DEPTOR: variants seen among roughly 807,000 people sequenced by gnomAD.
DEPTOR encodes DEP domain-containing mTOR-interacting protein.
DEPTOR carries 41 observed loss-of-function variants against 41.6 expected under a neutral mutation model. The observed-to-expected ratio is 0.98, with a 90% confidence interval of 0.77 to 1.28. The LOEUF (loss-of-function observed/expected upper bound fraction) is 1.28. Among genes scored for constraint, DEPTOR ranks in the 50% most tolerant of loss-of-function variants. The pLI, the probability that DEPTOR is intolerant of heterozygous loss-of-function variation, is 0.00. For synonymous variants in DEPTOR, 195 were observed against 192.3 expected, an observed-to-expected ratio of 1.01 and a Z score of -0.12; for missense variants, 514 against 527.9, an observed-to-expected ratio of 0.97 and a Z score of 0.26.
At chr8:119,909,358 C>G (rs567042917) in intron 1 of DEPTOR, among the ~76,000 whole-genome samples, 1 of 152,278 alleles carries the variant, frequency 6.6e-6, no homozygotes, top group African/African-American at 2.4e-5. Flanking sequence ...TTAGAAGACA[C>G]TGTCTTTGGC....
At chr8:120,017,145 T>C (rs1049875204) in intron 8 of DEPTOR, among the ~76,000 whole-genome samples, 1 of 152,228 alleles carries the variant, frequency 6.6e-6, no homozygotes, top group African/African-American at 2.4e-5. Context: ...AATGATTCAA[T>C]GAACTGATAC....
At chr8:119,998,606 G>T (rs192541176) in intron 4 of DEPTOR, among the ~76,000 whole-genome samples, 2 of 152,062 alleles carry the variant, frequency 1.3e-5, no homozygotes, top group Non-Finnish European at 2.9e-5. Context: ...GGCTTTTGGG[G>T]CCTGATGTAC....
intron 1 of DEPTOR, among the ~76,000 whole-genome samples, chr8:119,923,725 T>G (rs2129830855): frequency 6.6e-6 from 1 of 152,254 alleles, no homozygotes; most frequent in South Asian, 2.1e-4. Context: ...AATCCTTATT[T>G]TCTTGACTTT....
chr8:119,892,560 T>A (rs10094587), intron 1 of DEPTOR, among the ~76,000 whole-genome samples: 75,670 of 152,110 alleles, frequency 0.5, 20,495 homozygotes, highest in East Asian at 0.92. Flanking sequence ...TTTGTACTCA[T>A]GTACTGACAA....
At chr8:120,013,915 C>G (rs1225689461) in intron 8 of DEPTOR, among the ~76,000 whole-genome samples, 1 of 150,984 alleles carries the variant, frequency 6.6e-6, no homozygotes, top group Admixed American at 6.6e-5. Context: ...TCTCAGCTCA[C>G]TGCAACCTCC....
intron 4 of DEPTOR, among the ~76,000 whole-genome samples, chr8:119,975,633 T>C (rs985746891): frequency 3.9e-5 from 6 of 152,080 alleles, no homozygotes; most frequent in African/African-American, 1.4e-4. Flanking sequence ...ATTTTCAGTA[T>C]ACTGACTTAT....
chr8:119,903,595 A>G (rs1227341782), intron 1 of DEPTOR, among the ~76,000 whole-genome samples: 2 of 152,172 alleles, frequency 1.3e-5, no homozygotes, highest in Admixed American at 1.3e-4. Context: ...TTGCTTGGCC[A>G]TCTGATTTGG....
intron 8 of DEPTOR, among the ~76,000 whole-genome samples, chr8:120,029,029 C>T (rs933859315): frequency 3.3e-5 from 5 of 150,936 alleles, no homozygotes; most frequent in Non-Finnish European, 5.9e-5. Context: ...GCTGAGATCG[C>T]GCCATTGCAC....
chr8:119,999,124 A>G (rs2326428), intron 4 of DEPTOR, among the ~76,000 whole-genome samples: 122,940 of 151,758 alleles, frequency 0.81, 49,888 homozygotes, highest in Middle Eastern at 0.84. Context: ...TTAGCCAGGT[A>G]TGGGTGTGGT....
chr8:119,981,652 CAAAA>C (rs33975978), intron 4 of DEPTOR, among the ~76,000 whole-genome samples: 1 of 136,878 alleles, frequency 7.3e-6, no homozygotes, highest in Non-Finnish European at 1.5e-5. Context: ...GACCCTATCT[CAAAA>C]AAAAAAAAAA....
chr8:119,959,231 C>A (rs1563976265), intron 3 of DEPTOR, among the ~76,000 whole-genome samples: 1 of 143,752 alleles, frequency 7.0e-6, no homozygotes, highest in East Asian at 2.1e-4. Context: ...GGCGCCATCT[C>A]GGCTCACTGC....
chr8:119,994,953 AAGAAGAATT>A (rs1812237207), intron 4 of DEPTOR, among the ~76,000 whole-genome samples: 1 of 151,800 alleles, frequency 6.6e-6, no homozygotes, highest in Non-Finnish European at 1.5e-5. Flanking sequence ...AGAAAAAAAA[AAGAAGAATT>A]AGAAGAATTA....
At chr8:119,991,506 C>T (rs1283559939) in intron 4 of DEPTOR, among the ~76,000 whole-genome samples, 1 of 152,000 alleles carries the variant, frequency 6.6e-6, no homozygotes, top group African/African-American at 2.4e-5. Context: ...TTAATGGAGA[C>T]GGGGTTTTGC....
intron 1 of DEPTOR, among the ~76,000 whole-genome samples, chr8:119,914,319 G>A (rs7017377): frequency 0.11 from 16,714 of 151,846 alleles, 1,445 homozygotes; most frequent in African/African-American, 0.23. Context: ...TGGAATTACA[G>A]ACATGAGCCA....
intron 8 of DEPTOR, among the ~76,000 whole-genome samples, chr8:120,038,921 A>G (rs1302179217): frequency 6.6e-6 from 1 of 152,222 alleles, no homozygotes. Flanking sequence ...ACATGTAAAG[A>G]GTTTTGGAAA....
Position 119,873,759 on chromosome 8 carries a change from C to A in DEPTOR, c.-88C>A. 1 of 1,550,388 alleles carries A rather than the reference C, an allele frequency of 6.4e-7. No individual in the cohort carries two copies. Among genetic ancestry groups the A allele is most frequent in the Non-Finnish European group, 8.7e-7 (1 of 1,147,382 alleles). ...GGAGCTGCCCCGAACAAAGATGGCG[C>A]GGGAAGCGTCTGTGAGGGCAGACTG... is the stretch of plus-strand genomic sequence containing the variant. On this transcript the variant is annotated 5_prime_UTR_variant, in exon 1 of 9. Transcript: ENST00000286234.
chr8:120,030,500 T>TTTTTTG (rs1812872872), intron 8 of DEPTOR, among the ~76,000 whole-genome samples: 2 of 78,378 alleles, frequency 2.6e-5, no homozygotes, highest in Non-Finnish European at 4.8e-5. Context: ...TTCATCAGTT[T>TTTTTTG]TTTTTTTTTT....
chr8:119,902,443 G>A (rs1264876695), intron 1 of DEPTOR, among the ~76,000 whole-genome samples: 9 of 151,978 alleles, frequency 5.9e-5, no homozygotes, highest in Admixed American at 5.2e-4. Flanking sequence ...TGGTTCAAGC[G>A]ATTCTCCTGT....
chr8:119,989,605 G>A (rs1240294080), intron 4 of DEPTOR, among the ~76,000 whole-genome samples: 1 of 151,744 alleles, frequency 6.6e-6, no homozygotes, highest in Non-Finnish European at 1.5e-5. Flanking sequence ...CATAATATGG[G>A]AATATAATAT....
Sources: gnomAD v4.1 joint callset for allele counts (sites outside exome capture counted in the v4.1 genomes callset) on GRCh38, gnomAD v4.1.1 for gene constraint, MANE v1.5 for transcripts, NCBI Gene and HGNC (gene_info 2026-07-23, HGNC 2026-07-21) for gene names.